Variants in ROCK1 observed in about 807,000 individuals in gnomAD.
ROCK1 encodes the protein Rho associated coiled-coil containing protein kinase 1.
Under a neutral mutation model 196.8 loss-of-function variants are expected in ROCK1, and 36 were observed. The ratio of observed to expected loss-of-function variants is 0.18; its 90% CI spans 0.14 to 0.24. The LOEUF (loss-of-function observed/expected upper bound fraction) is 0.24, where lower values mean the gene tolerates loss of function less well. Ranked by LOEUF, ROCK1 falls within the 10% of genes least tolerant of loss-of-function variation. The pLI, the probability that ROCK1 is intolerant of heterozygous loss-of-function variation, is 1.00. For synonymous variants in ROCK1, 443 were observed against 515.9 expected (o/e 0.86, Z 1.91); for missense variants, 920 against 1,562.0 (o/e 0.59, Z 6.93).
chr18:20,967,213 G>A, intron 26 of ROCK1, 137 bp from the exon 27 acceptor site: 2 of 602,092 alleles, frequency 3.3e-6, no homozygotes, highest in East Asian at 5.8e-5. Flanking sequence ...CACAGATTTT[G>A]ATACACTACA....
At chr18:21,030,972 G>A (rs1257610381) in intron 9 of ROCK1, among the ~76,000 whole-genome samples, 1 of 152,154 alleles carries the variant, frequency 6.6e-6, no homozygotes, top group Non-Finnish European at 1.5e-5. Context: ...AATGAAGAAA[G>A]AGGCTATAAA....
At chr18:21,006,192 C>T (rs539068020) in intron 16 of ROCK1, among the ~76,000 whole-genome samples, 159 bp downstream of exon 16, 5 of 152,092 alleles carry the variant, frequency 3.3e-5, no homozygotes, top group African/African-American at 7.2e-5. Flanking sequence ...AAAAGCCAGA[C>T]GCAAAAGGAC....
intron 20 of ROCK1, among the ~76,000 whole-genome samples, chr18:20,983,846 G>C (rs2035554959): frequency 6.6e-6 from 1 of 152,072 alleles, no homozygotes; most frequent in South Asian, 2.1e-4. Context: ...CACAAGACTT[G>C]GCATAAGATA....
rs939097744 is a variant in ROCK1 at position 20,948,810 on chromosome 18, T to C, written c.*2574A>G. On this transcript the variant is annotated 3_prime_UTR_variant, in exon 33 of 33. Transcript: ENST00000399799. ...GGCAGACGTGAGATGCAGGCTGTGC[T>C]AAATGCCAGCAAGCAGGGTCATGGA... 1.3e-5 allele frequency: 2 copies of C among 152,210 alleles called. No homozygotes were observed. Among genetic ancestry groups the C allele is most frequent in the Non-Finnish European group, 2.9e-5 (2 of 68,070 alleles). 9.4% of individuals were successfully genotyped at this position (152,210 alleles called of 1,614,324 possible).
At chr18:21,102,834 T>C (rs2036670440) in intron 1 of ROCK1, among the ~76,000 whole-genome samples, 1 of 151,260 alleles carries the variant, frequency 6.6e-6, no homozygotes, top group South Asian at 2.1e-4. Flanking sequence ...CCACCACACT[T>C]CAGCCTGGGT....
intron 2 of ROCK1, 41 bp from the exon 3 acceptor site, chr18:21,049,921 C>T (rs2036190580): frequency 9.3e-7 from 1 of 1,075,186 alleles, no homozygotes; most frequent in South Asian, 1.4e-5. Context: ...ATCACTAAAG[C>T]ATTACAACTA....
chr18:21,102,047 TC>T (rs891871360), intron 1 of ROCK1, among the ~76,000 whole-genome samples: 1 of 152,206 alleles, frequency 6.6e-6, no homozygotes, highest in Non-Finnish European at 1.5e-5. Flanking sequence ...TTTCCCTACT[TC>T]TGCGTATATT....
chr18:21,039,315 A>G (rs898410510), intron 9 of ROCK1, among the ~76,000 whole-genome samples, 157 bp downstream of exon 9: 3 of 152,152 alleles, frequency 2.0e-5, no homozygotes, highest in Non-Finnish European at 2.9e-5. Flanking sequence ...AATCTGCCCA[A>G]TATTATCAAA....
intron 2 of ROCK1, among the ~76,000 whole-genome samples, chr18:21,060,839 CAAAAAAAAAAAA>C (rs930819259): frequency 2.2e-5 from 1 of 44,802 alleles, no homozygotes; most frequent in Non-Finnish European, 5.0e-5. Flanking sequence ...AACTCCATCT[CAAAAAAAAAAAA>C]AAAAAAAAAA....
chr18:21,014,794 C>A (rs1196802406), intron 13 of ROCK1, among the ~76,000 whole-genome samples: 2 of 151,952 alleles, frequency 1.3e-5, no homozygotes, highest in African/African-American at 4.8e-5. Context: ...TAAAAAAGGA[C>A]AAAGTAAGTA....
rs1277807565 is a variant in ROCK1, at chr18:21,008,088, T to A, written c.1517A>T (p.Asn506Ile). ...NEYQRKAEQENEKRRNVENEV... is the reference protein window; with the variant it reads ...NEYQRKAEQEIEKRRNVENEV... ...ATTTTCTACATTTCTTCTCTTCTCATTTTCCTGTTCAGCTTTTCTTTGGTA... is the reference window on the plus strand; with the variant it reads ...ATTTTCTACATTTCTTCTCTTCTCAATTTCCTGTTCAGCTTTTCTTTGGTA... Residue 506 changes from asparagine (N) to isoleucine (I), a missense_variant, in exon 14 of 33, where the codon AAT (asparagine) becomes ATT (isoleucine). Coordinates refer to ENST00000399799, the MANE Select transcript of ROCK1 (RefSeq NM_005406.3). 1 of 1,602,140 alleles carries A rather than the reference T, an allele frequency of 6.2e-7. No homozygotes were observed. Among genetic ancestry groups the A allele is most frequent in the Non-Finnish European group, 8.5e-7 (1 of 1,174,906 alleles).
chr18:20,991,046 C>T, intron 18 of ROCK1, 130 bp downstream of exon 18: 1 of 679,910 alleles, frequency 1.5e-6, no homozygotes, highest in Non-Finnish European at 2.4e-6. Context: ...AGGCATGAGC[C>T]ACTGTGCCAG....
At chr18:21,014,632 C>T (rs770848246) in intron 13 of ROCK1, among the ~76,000 whole-genome samples, 16 of 152,110 alleles carry the variant, frequency 1.1e-4, no homozygotes, top group Non-Finnish European at 1.5e-4. Context: ...ATATATACTG[C>T]TAAGGTTAAG....
intron 1 of ROCK1, among the ~76,000 whole-genome samples, chr18:21,106,148 G>A (rs2036701160): frequency 6.6e-6 from 1 of 152,144 alleles, no homozygotes; most frequent in South Asian, 2.1e-4. Context: ...CTCACCCGTT[G>A]CTACACCTCC....
Position 21,111,263 on chromosome 18 carries a change from T to C in ROCK1, c.-353A>G, listed in dbSNP as rs530915859. On this transcript the variant is annotated 5_prime_UTR_variant, in exon 1 of 33. Transcript: ENST00000399799. This position sits in a 1 kb window ranked among gnomAD's most constrained non-coding sequence, Gnocchi z 4.2. ...CCATGGAGGGGTCCCCGTCCCGAGATGGGCAGGAGCGGGTAGAGAAAGAGA... is the reference window on the plus strand; with the variant it reads ...CCATGGAGGGGTCCCCGTCCCGAGACGGGCAGGAGCGGGTAGAGAAAGAGA... 2 of 474,476 alleles carry C rather than the reference T, an allele frequency of 4.2e-6. No individual in the cohort carries two copies. The highest frequency in any genetic ancestry group is 4.2e-5 in the South Asian group (1 of 23,760). The allele number at this position is 474,476 out of a possible 1,614,324, so 29.4% of individuals were successfully genotyped here. A position where few individuals can be genotyped will look rare whatever the true frequency, so the allele number is the denominator to read the frequency against.
Position 20,960,892 on chromosome 18 carries a change from A to G in ROCK1, c.3353-686T>C, listed in dbSNP as rs34237874. Among the ~76,000 whole-genome samples, 433 of 152,284 alleles carry G rather than the reference A, an allele frequency of 2.8e-3. 2 individuals carry two copies. The highest frequency in any genetic ancestry group is 6.5e-3 in the Admixed American group (99 of 15,298). ...GTTCAATTGCAATTCTACTCAAACT[A>G]AAGAGTTTTAAAGCCTCTTAAGTTT... On this transcript the variant is annotated intron_variant, in intron 27 of 32. Transcript: ENST00000399799.
intron 18 of ROCK1, among the ~76,000 whole-genome samples, chr18:20,990,627 A>C (rs910732504): frequency 1.5e-5 from 2 of 137,684 alleles, no homozygotes; most frequent in African/African-American, 5.4e-5. Flanking sequence ...CTGGAGGCAG[A>C]GACTGCATTG....
intron 16 of ROCK1, among the ~76,000 whole-genome samples, chr18:20,998,211 T>G (rs183752026): frequency 2.6e-5 from 4 of 152,168 alleles, no homozygotes; most frequent in Admixed American, 6.5e-5. Context: ...AGCGGATTGA[T>G]GAAGAAATTA....
intron 2 of ROCK1, among the ~76,000 whole-genome samples, chr18:21,069,584 A>AT (rs1457902381): frequency 6.6e-6 from 1 of 152,020 alleles, no homozygotes; most frequent in Non-Finnish European, 1.5e-5. Flanking sequence ...TTTAAAAAAA[A>AT]CCATGCCCCA....
Sources: gnomAD v4.1 joint callset for allele counts (sites outside exome capture counted in the v4.1 genomes callset) on GRCh38, gnomAD v4.1.1 for gene constraint, Gnocchi (gnomAD v3.1) non-coding constraint, MANE v1.5 for transcripts, NCBI Gene and HGNC (gene_info 2026-07-23, HGNC 2026-07-21) for gene names.